NOX4: variants seen among roughly 807,000 people sequenced by gnomAD.
NOX4 encodes NADPH oxidase 4, also known as kidney oxidase-1.
A neutral mutation model predicts 87.6 loss-of-function variants in NOX4; 69 were observed. The ratio of observed to expected loss-of-function variants is 0.79; its 90% CI spans 0.65 to 0.96. NOX4 has a LOEUF of 0.96. Among genes scored for constraint, NOX4 ranks in the 40% least tolerant of loss-of-function variants. The pLI, the probability that NOX4 is intolerant of heterozygous loss-of-function variation, is 0.00. For missense variants in NOX4, 680 were observed against 681.5 expected (o/e 1.00, Z 0.02); for synonymous variants, 275 against 238.2 (o/e 1.15, Z -1.42).
At chr11:89,365,777 CAG>C (rs1354565254) in intron 12 of NOX4, among the ~76,000 whole-genome samples, 1 of 70,894 alleles carries the variant, frequency 1.4e-5, no homozygotes, top group East Asian at 5.1e-4. Flanking sequence ...AAAAAAAAAA[CAG>C]GAGATTTTCT....
At chr11:89,413,308 C>T (rs1330737102) in intron 8 of NOX4, among the ~76,000 whole-genome samples, 1 of 152,052 alleles carries the variant, frequency 6.6e-6, no homozygotes. Flanking sequence ...TACCATATGA[C>T]CCAGCAATCC....
At chr11:89,480,140 C>T (rs536940887) in intron 2 of NOX4, among the ~76,000 whole-genome samples, 76 of 152,252 alleles carry the variant, frequency 5.0e-4, no homozygotes, top group African/African-American at 1.8e-3. Flanking sequence ...ACTGTATATA[C>T]TTGTTTTGCT....
At chr11:89,370,891 G>C (rs1188352404) in intron 12 of NOX4, among the ~76,000 whole-genome samples, 1 of 151,984 alleles carries the variant, frequency 6.6e-6, no homozygotes, top group African/African-American at 2.4e-5. Context: ...GTCTTGGAGA[G>C]ATCATTTCTG....
chr11:89,561,585 C>T, the NOX4 span, among the ~76,000 whole-genome samples: 76 of 152,284 alleles, frequency 5.0e-4, no homozygotes, highest in African/African-American at 1.8e-3. Flanking sequence ...TTTCTCTAGA[C>T]TTTAATTTCC....
the NOX4 span, among the ~76,000 whole-genome samples, chr11:89,569,427 A>G: frequency 1.0e-3 from 154 of 152,328 alleles, no homozygotes; most frequent in African/African-American, 3.6e-3. Context: ...AAGAAAAGAT[A>G]TACACTCAGC....
intron 5 of NOX4, 87 bp downstream of exon 5, chr11:89,444,048 G>T (rs1276959179): frequency 6.4e-6 from 7 of 1,090,526 alleles, no homozygotes; most frequent in Admixed American, 1.8e-5. Flanking sequence ...GGAGCAGTAA[G>T]GTACAAATTT....
chr11:89,549,378 G>T, the NOX4 span, among the ~76,000 whole-genome samples: 8 of 152,066 alleles, frequency 5.3e-5, no homozygotes, highest in Non-Finnish European at 8.8e-5. Context: ...CTTGATTTTT[G>T]TGACACGTCT....
intron 2 of NOX4, among the ~76,000 whole-genome samples, chr11:89,459,340 G>A (rs1344464145): frequency 6.6e-6 from 1 of 151,940 alleles, no homozygotes; most frequent in Admixed American, 6.6e-5. Flanking sequence ...AAACTATGTG[G>A]TACTATGCTT....
At chr11:89,550,141 C>G in the NOX4 span, among the ~76,000 whole-genome samples, 1 of 152,000 alleles carries the variant, frequency 6.6e-6, no homozygotes, top group Non-Finnish European at 1.5e-5. Flanking sequence ...CCTATTTCTC[C>G]ACAGCCTCGC....
upstream of NOX4, among the ~76,000 whole-genome samples, chr11:89,495,727 T>C (rs921753190): frequency 2.0e-5 from 3 of 152,278 alleles, no homozygotes; most frequent in African/African-American, 7.2e-5. Flanking sequence ...GAATAAATGT[T>C]TGGGACTCCT....
At chr11:89,460,901 A>C (rs1945430464) in intron 2 of NOX4, among the ~76,000 whole-genome samples, 1 of 152,192 alleles carries the variant, frequency 6.6e-6, no homozygotes. Context: ...AAGACTTGGA[A>C]CCAACCCAAA....
chr11:89,550,191 CT>C, the NOX4 span, among the ~76,000 whole-genome samples: 67 of 145,934 alleles, frequency 4.6e-4, no homozygotes, highest in Admixed American at 6.2e-4. Context: ...GATAGCTAGT[CT>C]TTTTTTTTTT....
intron 6 of NOX4, among the ~76,000 whole-genome samples, chr11:89,438,823 TA>T (rs1944274440): frequency 8.4e-5 from 4 of 47,788 alleles, no homozygotes; most frequent in African/African-American, 7.7e-4. Context: ...ATATATTATA[TA>T]ATATCTTATA....
chr11:89,457,960 A>G (rs1945281604), intron 2 of NOX4, among the ~76,000 whole-genome samples: 1 of 152,386 alleles, frequency 6.6e-6, no homozygotes, highest in Admixed American at 6.5e-5. Context: ...AAGAATCATT[A>G]TAGTTAAAAT....
At chr11:89,433,319 T>C (rs1420755456) in intron 6 of NOX4, among the ~76,000 whole-genome samples, 1 of 152,102 alleles carries the variant, frequency 6.6e-6, no homozygotes, top group Non-Finnish European at 1.5e-5. Flanking sequence ...GGATCTTTTA[T>C]CTATTTTACA....
chr11:89,537,791 C>T, the NOX4 span, among the ~76,000 whole-genome samples: 10 of 152,140 alleles, frequency 6.6e-5, no homozygotes, highest in African/African-American at 2.2e-4. Context: ...TAGACTCACA[C>T]TTTGTCCAGA....
chr11:89,366,056 T>C (rs1403958163), intron 12 of NOX4, among the ~76,000 whole-genome samples: 1 of 152,184 alleles, frequency 6.6e-6, no homozygotes, highest in African/African-American at 2.4e-5. Context: ...CTTGTCCTTT[T>C]GCTTCCTTTG....
chr11:89,546,101 C>A, the NOX4 span, among the ~76,000 whole-genome samples: 2 of 152,148 alleles, frequency 1.3e-5, no homozygotes, highest in East Asian at 3.9e-4. Context: ...CTGAAAATTT[C>A]TTTTCAACTA....
the NOX4 span, among the ~76,000 whole-genome samples, chr11:89,528,353 G>C: frequency 6.6e-6 from 1 of 152,074 alleles, no homozygotes; most frequent in Admixed American, 6.5e-5. Context: ...AAGACTTTGA[G>C]GGACTACTGG....
Sources: gnomAD v4.1 joint callset for allele counts (sites outside exome capture counted in the v4.1 genomes callset) on GRCh38, gnomAD v4.1.1 for gene constraint, MANE v1.5 for transcripts, NCBI Gene and HGNC (gene_info 2026-07-23, HGNC 2026-07-21) for gene names.